Variants in AKR1C3 observed in about 807,000 individuals in gnomAD.
AKR1C3 encodes aldo-keto reductase family 1 member C3, also known as 3-alpha hydroxysteroid dehydrogenase, type II.
In AKR1C3, 48 loss-of-function variants were observed where a neutral mutation model predicts 43.6. The observed-to-expected ratio is 1.10, with a 90% CI of 0.87 to 1.40. The LOEUF (loss-of-function observed/expected upper bound fraction) is 1.40, where lower values mean the gene tolerates loss of function less well. Ranked by LOEUF, AKR1C3 falls within the 40% of genes most tolerant of loss-of-function variation. The probability of loss-of-function intolerance (pLI) is 0.00; values close to 1 mark genes in which losing one functional copy is unlikely to be tolerated. For missense variants in AKR1C3, 482 were observed against 391.2 expected (o/e 1.23, Z -1.96); for synonymous variants, 162 against 139.6 (o/e 1.16, Z -1.13).
intron 1 of AKR1C3, among the ~76,000 whole-genome samples, chr10:5,059,203 G>A (rs1838326473): frequency 6.6e-6 from 1 of 152,096 alleles, no homozygotes; most frequent in Admixed American, 6.5e-5. Context: ...GTGAATCCAG[G>A]TGCCTAAAGA....
intron 1 of AKR1C3, among the ~76,000 whole-genome samples, chr10:5,078,248 G>T (rs1554782031): frequency 6.6e-6 from 1 of 152,100 alleles, no homozygotes; most frequent in Non-Finnish European, 1.5e-5. Context: ...ACCTCGTCTG[G>T]CCAGTGAATG....
At chr10:5,102,345 C>G (rs1490874569) in intron 6 of AKR1C3, 135 bp downstream of exon 6, 4 of 1,597,906 alleles carry the variant, frequency 2.5e-6, no homozygotes, top group Non-Finnish European at 1.7e-6. Flanking sequence ...CTGACGAGAT[C>G]TTGGATGATG....
chr10:5,102,350 A>T (rs1839377270), intron 6 of AKR1C3, 135 bp from the exon 7 acceptor site: 3 of 1,597,990 alleles, frequency 1.9e-6, no homozygotes, highest in African/African-American at 2.7e-5. Flanking sequence ...GAGATCTTGG[A>T]TGATGCTGAT....
At chr10:5,051,982 T>A (rs1244269630) in intron 1 of AKR1C3, among the ~76,000 whole-genome samples, 1 of 152,166 alleles carries the variant, frequency 6.6e-6, no homozygotes, top group African/African-American at 2.4e-5. Flanking sequence ...GGGGGTGGTG[T>A]GTCTGGAATT....
At chr10:5,055,608 C>G (rs189973582) in intron 1 of AKR1C3, among the ~76,000 whole-genome samples, 1 of 152,226 alleles carries the variant, frequency 6.6e-6, no homozygotes, top group African/African-American at 2.4e-5. Context: ...TACTTAGGTA[C>G]GCCACTGGTT....
chr10:5,097,486 C>T lies in AKR1C3; in HGVS notation c.305C>T (p.Ser102Leu), dbSNP rs1554785320. Residue 102 changes from serine (S) to leucine (L), a missense_variant, in exon 3 of 9, where the codon TCA becomes TTA. Physicochemically the swap from Ser to Leu is moderately radical, Grantham distance 145. Coordinates refer to ENST00000380554, the MANE Select transcript of AKR1C3 (RefSeq NM_003739.6). ...TTGGTCCGACCAGCCTTGGAAAACTCACTGAAGAAAGCTCAATTGGACTAT... is the reference window on the plus strand; with the variant it reads ...TTGGTCCGACCAGCCTTGGAAAACTTACTGAAGAAAGCTCAATTGGACTAT... ...PELVRPALENSLKKAQLDYVD... is the reference protein window; with the variant it reads ...PELVRPALENLLKKAQLDYVD... The T allele has an allele frequency of 1.2e-6, 2 of 1,613,894 alleles. No homozygotes were observed.
At chr10:5,077,785 T>G in intron 1 of AKR1C3, 1 of 864,844 alleles carries the variant, frequency 1.2e-6, no homozygotes, top group Non-Finnish European at 1.6e-6. Context: ...TACATTAACA[T>G]GTTCCTTGAG....
intron 5 of AKR1C3, among the ~76,000 whole-genome samples, chr10:5,100,719 C>T (rs1181208872): frequency 2.0e-5 from 3 of 152,284 alleles, no homozygotes; most frequent in Admixed American, 2.0e-4. Context: ...ACAGTTCCAT[C>T]ATATCCAAAT....
intron 1 of AKR1C3, among the ~76,000 whole-genome samples, chr10:5,075,928 A>AT (rs1483656338): frequency 6.6e-6 from 1 of 151,462 alleles, no homozygotes; most frequent in Non-Finnish European, 1.5e-5. Context: ...ATGTATTACT[A>AT]GGGGGGCTCT....
At chr10:5,072,006 T>A (rs1358187524) in intron 1 of AKR1C3, among the ~76,000 whole-genome samples, 1 of 152,238 alleles carries the variant, frequency 6.6e-6, no homozygotes, top group Non-Finnish European at 1.5e-5. Flanking sequence ...CCTCACCATG[T>A]TAATCAGTAC....
chr10:5,095,917 A>G (rs1386070643), intron 1 of AKR1C3, among the ~76,000 whole-genome samples: 1 of 152,116 alleles, frequency 6.6e-6, no homozygotes, highest in Non-Finnish European at 1.5e-5. Flanking sequence ...GGGTCGATGT[A>G]ACTAGCATCC....
At position 5,098,811 on chromosome 10, in the gene AKR1C3, G is replaced by A. The variant is rs782251074; in HGVS notation, c.379G>A (p.Glu127Lys). 6.2e-7 allele frequency: 1 copy of A among 1,613,516 alleles called. No homozygotes were observed. Among genetic ancestry groups the A allele is most frequent in the East Asian group, 2.2e-5 (1 of 44,828 alleles). The change falls in exon 4 of 9, where the codon GAA becomes AAA. Residue 127 changes from glutamate to lysine, a missense_variant. Physicochemically the swap from Glu to Lys is moderately conservative, Grantham distance 56 (BLOSUM62 1). Transcript: ENST00000380554. ...HSPMSLKPGE[E>K]LSPTDENGKV... ...ACTGCTTCTATTTCAGCCAGGTGAG[G>A]AACTTTCACCAACAGATGAAAATGG...
At chr10:5,088,473 G>A (rs1940136163) in intron 1 of AKR1C3, among the ~76,000 whole-genome samples, 1 of 151,904 alleles carries the variant, frequency 6.6e-6, no homozygotes, top group African/African-American at 2.4e-5. Context: ...TTTCTTAGGT[G>A]TAGTAGTATT....
intron 8 of AKR1C3, among the ~76,000 whole-genome samples, chr10:5,106,967 T>G (rs1839518413): frequency 6.6e-6 from 1 of 152,148 alleles, no homozygotes; most frequent in Non-Finnish European, 1.5e-5. Flanking sequence ...GCATGAGTAA[T>G]TCTTATCATC....
intron 1 of AKR1C3, among the ~76,000 whole-genome samples, chr10:5,067,023 G>C (rs189728516): frequency 1.3e-5 from 2 of 151,148 alleles, no homozygotes; most frequent in Non-Finnish European, 2.9e-5. Context: ...TGGATTAAGA[G>C]GAGTGAATCA....
At chr10:5,095,606 T>C (rs971746918) in intron 1 of AKR1C3, among the ~76,000 whole-genome samples, 17 of 152,172 alleles carry the variant, frequency 1.1e-4, no homozygotes, top group Admixed American at 9.2e-4. Flanking sequence ...TTTATTTATA[T>C]TTTTGTCATT....
intron 1 of AKR1C3, among the ~76,000 whole-genome samples, chr10:5,079,701 CATTACCTGAGACCCCA>C: frequency 6.6e-6 from 1 of 152,086 alleles, no homozygotes; most frequent in Non-Finnish European, 1.5e-5. Context: ...CTCTCTCCCC[CATTACCTGAGACCCCA>C]CCTCCCCGAG....
chr10:5,107,437 TATTATAC>T lies in AKR1C3; in HGVS notation c.930-18_930-12del, dbSNP rs1242288125. On this transcript the variant is annotated splice_polypyrimidine_tract_variant and intron_variant, in intron 8 of 8. Coordinates refer to ENST00000380554, the MANE Select transcript of AKR1C3 (RefSeq NM_003739.6). ...CCTAGTAATGGAGTCATTGCATTTA[TATTATAC>T]ATTATTCTCTTTTCAGTTTTGCTAG... 1 of 1,484,642 alleles carries T rather than the reference TATTATAC, an allele frequency of 6.7e-7. No homozygotes were observed. Among genetic ancestry groups the T allele is most frequent in the African/African-American group, 1.4e-5 (1 of 72,088 alleles). The allele number at this position is 1,484,642 out of a possible 1,614,324, so 92.0% of individuals were successfully genotyped here. A position where few individuals can be genotyped will look rare whatever the true frequency, so the allele number is the denominator to read the frequency against.
chr10:5,078,140 T>G (rs7894134), intron 1 of AKR1C3, among the ~76,000 whole-genome samples: 83,222 of 152,142 alleles, frequency 0.55, 22,946 homozygotes, highest in South Asian at 0.58. Flanking sequence ...AAAATAATAA[T>G]AAGTCAGGTG....
Sources: gnomAD v4.1 joint callset for allele counts (sites outside exome capture counted in the v4.1 genomes callset) on GRCh38, gnomAD v4.1.1 for gene constraint, MANE v1.5 for transcripts, NCBI Gene and HGNC (gene_info 2026-07-23, HGNC 2026-07-21) for gene names.